ARK2N: variants seen among roughly 807,000 people sequenced by gnomAD.
The protein encoded by ARK2N is protein ARK2N.
chr18:46,244,601 ATTTTTT>A, the ARK2N span, among the ~76,000 whole-genome samples: 10 of 93,866 alleles, frequency 1.1e-4, no homozygotes, highest in Middle Eastern at 0.018. Flanking sequence ...AAGAGTTTAG[ATTTTTT>A]TTTTTTTTTT....
At chr18:46,213,226 T>A in the ARK2N span, among the ~76,000 whole-genome samples, 1 of 151,902 alleles carries the variant, frequency 6.6e-6, no homozygotes, top group East Asian at 1.9e-4. Context: ...GGTCTTGAAC[T>A]CCTGATCTCG....
the ARK2N span, among the ~76,000 whole-genome samples, chr18:46,197,896 A>G: frequency 6.6e-6 from 1 of 152,230 alleles, no homozygotes; most frequent in East Asian, 1.9e-4. Context: ...TATTTTTTGT[A>G]TGCCGTTATG....
the ARK2N span, among the ~76,000 whole-genome samples, chr18:46,252,340 G>A: frequency 6.6e-6 from 1 of 151,186 alleles, no homozygotes; most frequent in South Asian, 2.1e-4. Flanking sequence ...GCAGTGGCGC[G>A]ATCTCGACTC....
the ARK2N span, among the ~76,000 whole-genome samples, chr18:46,260,635 T>A: frequency 2.5e-3 from 375 of 152,310 alleles, 3 homozygotes; most frequent in African/African-American, 8.5e-3. Context: ...GGAAATAAGG[T>A]CTCTAAACCT....
chr18:46,195,321 T>C, the ARK2N span, among the ~76,000 whole-genome samples: 1,057 of 143,236 alleles, frequency 7.4e-3, 11 homozygotes, highest in African/African-American at 0.027. Flanking sequence ...CAGGCTGGAG[T>C]GCAGTGTTTC....
the ARK2N span, among the ~76,000 whole-genome samples, chr18:46,207,287 A>G: frequency 4.0e-5 from 6 of 151,796 alleles, no homozygotes; most frequent in Admixed American, 1.3e-4. Context: ...ATTTTATAAC[A>G]TATGATAAAA....
the ARK2N span, chr18:46,219,162 C>T: frequency 6.6e-6 from 1 of 152,132 alleles, no homozygotes; most frequent in African/African-American, 2.4e-5. Flanking sequence ...AGTGCATGAT[C>T]ATACTTTAAT....
chr18:46,256,134 A>AT, the ARK2N span, among the ~76,000 whole-genome samples: 2 of 152,204 alleles, frequency 1.3e-5, no homozygotes, highest in African/African-American at 4.8e-5. Flanking sequence ...CCAGGGACAT[A>AT]TTATTCATTC....
the ARK2N span, among the ~76,000 whole-genome samples, chr18:46,196,273 C>T: frequency 8.6e-5 from 13 of 150,890 alleles, no homozygotes; most frequent in Non-Finnish European, 1.5e-4. Flanking sequence ...AGCCACCGTG[C>T]CCGGCCAAGA....
At chr18:46,174,493 C>T in the ARK2N span, among the ~76,000 whole-genome samples, 1 of 152,010 alleles carries the variant, frequency 6.6e-6, no homozygotes, top group Admixed American at 6.5e-5. Context: ...GGCTGGTGGG[C>T]GCCGGGAACT....
the ARK2N span, among the ~76,000 whole-genome samples, chr18:46,193,615 T>A: frequency 3.8e-4 from 53 of 140,856 alleles, no homozygotes; most frequent in African/African-American, 1.3e-3. Flanking sequence ...TTTTTTTTTT[T>A]AATGACAGAG....
chr18:46,247,220 G>T, the ARK2N span, among the ~76,000 whole-genome samples: 1 of 151,956 alleles, frequency 6.6e-6, no homozygotes. Flanking sequence ...AAGTAGCATA[G>T]TAACTTTTCG....
At chr18:46,261,031 T>C in the ARK2N span, among the ~76,000 whole-genome samples, 1 of 152,216 alleles carries the variant, frequency 6.6e-6, no homozygotes, top group African/African-American at 2.4e-5. Context: ...TTTTTAGAAA[T>C]TCTGCCAAAG....
chr18:46,245,737 C>T, the ARK2N span, among the ~76,000 whole-genome samples: 2 of 152,002 alleles, frequency 1.3e-5, no homozygotes, highest in South Asian at 4.1e-4. Context: ...AAGCTCAGGC[C>T]TAGTTCTTAC....
At chr18:46,239,888 G>A in the ARK2N span, 2 of 932,880 alleles carry the variant, frequency 2.1e-6, no homozygotes, top group Non-Finnish European at 3.3e-6. Context: ...ATAAAGTGCA[G>A]CTTTTCTGAT....
the ARK2N span, among the ~76,000 whole-genome samples, chr18:46,188,496 G>T: frequency 6.6e-6 from 1 of 151,820 alleles, no homozygotes; most frequent in Non-Finnish European, 1.5e-5. Flanking sequence ...GCCGCGACAT[G>T]TGGCGGCCCA....
At chr18:46,247,659 C>T in the ARK2N span, among the ~76,000 whole-genome samples, 7 of 152,208 alleles carry the variant, frequency 4.6e-5, no homozygotes, top group Non-Finnish European at 1.0e-4. Context: ...TCTTGGAGCT[C>T]AGCTCCTTGC....
chr18:46,240,311 G>A, the ARK2N span: 1 of 1,043,362 alleles, frequency 9.6e-7, no homozygotes, highest in Non-Finnish European at 1.4e-6. Flanking sequence ...TTGAATGATT[G>A]GTTGTGACTA....
the ARK2N span, chr18:46,215,794 T>C: frequency 3.2e-6 from 4 of 1,260,252 alleles, no homozygotes; most frequent in African/African-American, 1.5e-5. Flanking sequence ...TTATTGACTT[T>C]GTGTGTTTTT....
Sources: gnomAD v4.1 joint callset for allele counts (sites outside exome capture counted in the v4.1 genomes callset) on GRCh38, gnomAD v4.1.1 for gene constraint, MANE v1.5 for transcripts, NCBI Gene and HGNC (gene_info 2026-07-23, HGNC 2026-07-21) for gene names.